Variants in NRXN1 observed in about 807,000 individuals in gnomAD.
NRXN1 encodes the protein neurexin-1.
In NRXN1, 39 loss-of-function variants were observed where a neutral mutation model predicts 150.9. That is an observed-to-expected ratio of 0.26 (90% CI 0.20 to 0.34). The LOEUF (loss-of-function observed/expected upper bound fraction) is 0.34, where lower values mean the gene tolerates loss of function less well. Ranked by LOEUF, NRXN1 falls within the 10% of genes least tolerant of loss-of-function variation. NRXN1 has a pLI of 1.00. For missense variants in NRXN1, 1,815 were observed against 1,949.9 expected (o/e 0.93, Z 1.30); for synonymous variants, 924 against 757.0 (o/e 1.22, Z -3.62).
At chr2:50,613,227 G>C (rs1330956589) in intron 8 of NRXN1, among the ~76,000 whole-genome samples, 1 of 152,224 alleles carries the variant, frequency 6.6e-6, no homozygotes, top group Non-Finnish European at 1.5e-5. Flanking sequence ...GGCTAAACCA[G>C]CCTCTCTCTG....
At chr2:50,059,563 A>C (rs1694177063) in intron 19 of NRXN1, among the ~76,000 whole-genome samples, 1 of 152,224 alleles carries the variant, frequency 6.6e-6, no homozygotes, top group South Asian at 2.1e-4. Flanking sequence ...CCCAAAGGTT[A>C]ACTGCCAGGA....
At chr2:50,365,616 CCA>C (rs1283583827) in intron 17 of NRXN1, among the ~76,000 whole-genome samples, 1 of 151,884 alleles carries the variant, frequency 6.6e-6, no homozygotes, top group Non-Finnish European at 1.5e-5. Context: ...CCTGAGTTGC[CCA>C]GTTTTTAATG....
At chr2:50,866,625 C>T (rs1399269434) in intron 5 of NRXN1, among the ~76,000 whole-genome samples, 1 of 151,880 alleles carries the variant, frequency 6.6e-6, no homozygotes, top group Admixed American at 6.6e-5. Flanking sequence ...ATTTACACGC[C>T]TCTTTAAGGG....
chr2:50,452,893 C>G (rs2104546568), intron 17 of NRXN1, among the ~76,000 whole-genome samples: 1 of 152,288 alleles, frequency 6.6e-6, no homozygotes, highest in East Asian at 1.9e-4. Context: ...TCATTCTCCT[C>G]ACACTGGAGG....
At position 49,920,028 on chromosome 2, in the gene NRXN1, T is replaced by C. The variant is rs1372442791; in HGVS notation, c.*1916A>G. 6.6e-6 allele frequency: 1 copy of C among 152,180 alleles called. No homozygotes were observed. Among genetic ancestry groups the C allele is most frequent in the Non-Finnish European group, 1.5e-5 (1 of 68,000 alleles). 9.4% of individuals were successfully genotyped at this position (152,180 alleles called of 1,614,324 possible). A position where few individuals can be genotyped will look rare whatever the true frequency, so the allele number is the denominator to read the frequency against. ...GAAGGTATTCAAGTAATGCAACCAA[T>C]TTTTCCTGAAACATCAACTTGCAAT... On this transcript the variant is annotated 3_prime_UTR_variant, in exon 23 of 23. Coordinates refer to ENST00000401669, the MANE Select transcript of NRXN1 (RefSeq NM_001330078.2).
intron 18 of NRXN1, among the ~76,000 whole-genome samples, chr2:50,094,057 G>C (rs1408806559): frequency 6.6e-6 from 1 of 152,172 alleles, no homozygotes; most frequent in Non-Finnish European, 1.5e-5. Flanking sequence ...GAAGTTAGTA[G>C]ACATGTATCA....
intron 21 of NRXN1, among the ~76,000 whole-genome samples, chr2:50,047,596 A>G (rs1203297425): frequency 6.6e-6 from 1 of 152,098 alleles, no homozygotes; most frequent in African/African-American, 2.4e-5. Flanking sequence ...TTAATATACC[A>G]AAGTTTTATG....
At chr2:50,396,608 G>C (rs1240017544) in intron 17 of NRXN1, among the ~76,000 whole-genome samples, 1 of 152,044 alleles carries the variant, frequency 6.6e-6, no homozygotes, top group Non-Finnish European at 1.5e-5. Flanking sequence ...TGTTAACAGG[G>C]CTATGTCTGC....
chr2:50,910,239 C>T (rs1160902146), intron 5 of NRXN1, among the ~76,000 whole-genome samples: 2 of 151,888 alleles, frequency 1.3e-5, no homozygotes, highest in Non-Finnish European at 2.9e-5. Flanking sequence ...TTAGTTGTTT[C>T]CTTTGAAAAT....
At chr2:50,844,057 C>G (rs116005888) in intron 5 of NRXN1, among the ~76,000 whole-genome samples, 1 of 152,136 alleles carries the variant, frequency 6.6e-6, no homozygotes, top group Non-Finnish European at 1.5e-5. Flanking sequence ...GTGAGAAACA[C>G]GCTCACCTGT....
At chr2:50,445,449 G>A (rs577565581) in intron 17 of NRXN1, among the ~76,000 whole-genome samples, 26 of 152,240 alleles carry the variant, frequency 1.7e-4, no homozygotes, top group African/African-American at 6.0e-4. Flanking sequence ...AATTTACAAG[G>A]AGGCTGTGTC....
chr2:50,168,589 A>T (rs1025134381), intron 18 of NRXN1, among the ~76,000 whole-genome samples: 1 of 152,194 alleles, frequency 6.6e-6, no homozygotes, highest in Non-Finnish European at 1.5e-5. Context: ...TAACGAATCA[A>T]TTGGAACATT....
intron 17 of NRXN1, among the ~76,000 whole-genome samples, chr2:50,281,316 C>CACAAAAAAACAAAACAAAACAAAACAA (rs1187135501): frequency 1.6e-5 from 2 of 124,630 alleles, no homozygotes; most frequent in African/African-American, 5.7e-5. Context: ...GACTCCGTCT[C>CACAAAAAAACAAAACAAAACAAAACAA]AAAAACAATA....
At chr2:50,395,634 A>G (rs1008236007) in intron 17 of NRXN1, among the ~76,000 whole-genome samples, 1 of 152,136 alleles carries the variant, frequency 6.6e-6, no homozygotes, top group African/African-American at 2.4e-5. Flanking sequence ...ATGAATCACA[A>G]TAACTATTGT....
At chr2:50,498,985 T>C (rs1441956927) in intron 13 of NRXN1, among the ~76,000 whole-genome samples, 4 of 152,204 alleles carry the variant, frequency 2.6e-5, no homozygotes, top group African/African-American at 7.2e-5. Flanking sequence ...AGAAAATGCA[T>C]TGAACCTTTT....
chr2:50,492,068 T>C (rs1329527317), intron 15 of NRXN1, among the ~76,000 whole-genome samples: 1 of 152,078 alleles, frequency 6.6e-6, no homozygotes, highest in Non-Finnish European at 1.5e-5. Flanking sequence ...ATTTGCCAAA[T>C]ACAGGAACAA....
intron 21 of NRXN1, among the ~76,000 whole-genome samples, chr2:50,034,703 T>C (rs1689750871): frequency 6.6e-6 from 1 of 152,070 alleles, no homozygotes; most frequent in Non-Finnish European, 1.5e-5. Context: ...AAATATATAC[T>C]TAGTAAAGGA....
At chr2:50,916,063 T>C (rs1685173787) in intron 5 of NRXN1, among the ~76,000 whole-genome samples, 1 of 146,002 alleles carries the variant, frequency 6.8e-6, no homozygotes, top group Non-Finnish European at 1.5e-5. Flanking sequence ...TAAAAATCTG[T>C]GAATGGTTTC....
At chr2:50,080,654 A>G (rs1444065217) in intron 19 of NRXN1, among the ~76,000 whole-genome samples, 1 of 152,158 alleles carries the variant, frequency 6.6e-6, no homozygotes, top group African/African-American at 2.4e-5. Context: ...GCATAGTATC[A>G]GTGCTTAAAA....
Sources: allele counts gnomAD v4.1 joint callset (sites outside exome capture counted in the v4.1 genomes callset), GRCh38; gene constraint gnomAD v4.1.1; transcripts MANE v1.5; gene names NCBI Gene and HGNC (gene_info 2026-07-23, HGNC 2026-07-21).